Variants in NSL1 observed in about 807,000 individuals in gnomAD.
NSL1 encodes the protein kinetochore-associated protein NSL1 homolog.
NSL1 carries 11 observed loss-of-function variants against 25.4 expected under a neutral mutation model. That is an observed-to-expected ratio of 0.43 (90% confidence interval 0.27 to 0.72). NSL1 has a LOEUF of 0.72. Ranked by LOEUF, NSL1 falls within the 30% of genes least tolerant of loss-of-function variation. The pLI is 0.19. For synonymous variants in NSL1, 118 were observed against 120.6 expected, an observed-to-expected ratio of 0.98 and a Z score of 0.14; for missense variants, 330 against 342.7, an observed-to-expected ratio of 0.96 and a Z score of 0.29.
intron 4 of NSL1, among the ~76,000 whole-genome samples, chr1:212,779,979 G>A (rs1476135719): frequency 7.2e-5 from 11 of 152,054 alleles, no homozygotes; most frequent in Non-Finnish European, 1.5e-4. Flanking sequence ...CCCTCTGCCC[G>A]GCCGCCACCC....
chr1:212,736,011 T>C lies in NSL1; in HGVS notation c.*2397A>G. On this transcript the variant is annotated 3_prime_UTR_variant, in exon 6 of 6. Transcript: ENST00000366977. Reference sequence around the variant, plus strand: ...CAGCTTTGACAGTGTTCTCTCTTCTTTGGGACTAGACTTAACCTTCTTGTG... The same window carrying C: ...CAGCTTTGACAGTGTTCTCTCTTCTCTGGGACTAGACTTAACCTTCTTGTG... The C allele has an allele frequency of 1.0e-6, 1 of 985,416 alleles. No homozygotes were observed. Among genetic ancestry groups the C allele is most frequent in the African/African-American group, 1.7e-5 (1 of 57,358 alleles). The allele number at this position is 985,416 out of a possible 1,614,324, so 61.0% of individuals were successfully genotyped here. A position where few individuals can be genotyped will look rare whatever the true frequency, so the allele number is the denominator to read the frequency against.
Position 212,735,457 on chromosome 1 carries a change from A to G in NSL1, c.*2951T>C. On this transcript the variant is annotated 3_prime_UTR_variant, in exon 6 of 6. Coordinates refer to ENST00000366977, the MANE Select transcript of NSL1 (RefSeq NM_015471.4). Reference sequence around the variant, plus strand: ...AGATGAAATCATACTGTTTGAAGCAATAAAAAATTTGGTTTTATTCACTTT... The same window carrying G: ...AGATGAAATCATACTGTTTGAAGCAGTAAAAAATTTGGTTTTATTCACTTT... The G allele has an allele frequency of 1.0e-6, 1 of 985,470 alleles. No individual in the cohort carries two copies. Among genetic ancestry groups the G allele is most frequent in the Middle Eastern group, 5.2e-4 (1 of 1,914 alleles). 61.0% of individuals were successfully genotyped at this position (985,470 alleles called of 1,614,324 possible).
In NSL1 at chr1:212,729,314, C is replaced by G; in HGVS notation, c.*9094G>C. 3 of 984,750 alleles carry G rather than the reference C, an allele frequency of 3.0e-6. No homozygotes were observed. The South Asian group carries it at 1.4e-4, about 46-fold the overall frequency. The allele number at this position is 984,750 out of a possible 1,614,324, so 61.0% of individuals were successfully genotyped here. ...GGATCCCTAGATGCTACTGATGGCT[C>G]CCCTAACTGACGGCAAATTGCTTGT... On this transcript the variant is annotated 3_prime_UTR_variant, in exon 6 of 6. Transcript: ENST00000366977.
chr1:212,731,736 G>A lies in NSL1; in HGVS notation c.*6672C>T, dbSNP rs1038370151. The stretch of plus-strand genomic sequence containing the variant: ...AGACATCCACTGACTTCCAGTTGTG[G>A]TGGGTGAAGATTTCACTCCCCACTG... On this transcript the variant is annotated 3_prime_UTR_variant, in exon 6 of 6. Coordinates refer to ENST00000366977, the MANE Select transcript of NSL1 (RefSeq NM_015471.4). 4.1e-6 allele frequency: 4 copies of A among 985,194 alleles called. No individual in the cohort carries two copies. Among genetic ancestry groups the A allele is most frequent in the South Asian group, 9.4e-5 (2 of 21,280 alleles). The allele number at this position is 985,194 out of a possible 1,614,324, so 61.0% of individuals were successfully genotyped here.
At position 212,738,020 on chromosome 1, in the gene NSL1, CTCTCTT is replaced by C. The variant is rs1015793177; in HGVS notation, c.*382_*387del. 3 of 946,968 alleles carry C rather than the reference CTCTCTT, an allele frequency of 3.2e-6. No individual in the cohort carries two copies. The highest frequency in any genetic ancestry group is 5.4e-4 in the Middle Eastern group (1 of 1,852). The allele number at this position is 946,968 out of a possible 1,614,324, so 58.7% of individuals were successfully genotyped here. A position where few individuals can be genotyped will look rare whatever the true frequency, so the allele number is the denominator to read the frequency against. The stretch of plus-strand genomic sequence containing the variant: ...AAACGAAAAATCATTATACAGCTCT[CTCTCTT>C]TTTTTTTTTTTTCCTAGAAAGATGT... On this transcript the variant is annotated 3_prime_UTR_variant, in exon 6 of 6. Transcript: ENST00000366977.
chr1:212,784,807 T>A (rs112902086), intron 2 of NSL1, among the ~76,000 whole-genome samples: 2 of 152,098 alleles, frequency 1.3e-5, no homozygotes, highest in Admixed American at 1.3e-4. Flanking sequence ...ATAAGTGCAA[T>A]AGAGGTATGA....
At position 212,789,508 on chromosome 1, in the gene NSL1, G is replaced by A. The variant is rs539528934; in HGVS notation, c.235-1871C>T. The stretch of plus-strand genomic sequence containing the variant: ...ATTACAGGCGTAAGCCATCGCGCCC[G>A]GCCTATGTATGTTTTAAAATTATTT... On this transcript the variant is annotated intron_variant, in intron 1 of 5. Coordinates refer to ENST00000366977, the MANE Select transcript of NSL1 (RefSeq NM_015471.4). Among the ~76,000 whole-genome samples the A allele has an allele frequency of 3.3e-5, 5 of 152,244 alleles. 1 individual carries two copies. The highest frequency in any genetic ancestry group is 4.8e-5 in the African/African-American group (2 of 41,538).
chr1:212,727,875 C>T lies in NSL1; in HGVS notation c.*10533G>A, dbSNP rs530897468. 1.0e-6 allele frequency: 1 copy of T among 985,236 alleles called. No homozygotes were observed. The highest frequency in any genetic ancestry group is 1.7e-5 in the African/African-American group (1 of 57,324). 61.0% of individuals were successfully genotyped at this position (985,236 alleles called of 1,614,324 possible). On this transcript the variant is annotated 3_prime_UTR_variant, in exon 6 of 6. Coordinates refer to ENST00000366977, the MANE Select transcript of NSL1 (RefSeq NM_015471.4). ...GGAAATTTAAAAATGTTTGTTGATA[C>T]TCTCTGTTGCTATGTGTCATTGAAA...
intron 4 of NSL1, among the ~76,000 whole-genome samples, chr1:212,748,180 A>G (rs1208013116): frequency 1.3e-5 from 2 of 152,328 alleles, no homozygotes; most frequent in Non-Finnish European, 2.9e-5. Context: ...AATATCTGTT[A>G]ACTTTTTACT....
At chr1:212,768,004 A>C (rs1659898785) in intron 4 of NSL1, among the ~76,000 whole-genome samples, 1 of 152,220 alleles carries the variant, frequency 6.6e-6, no homozygotes, top group African/African-American at 2.4e-5. Context: ...ACTATTGAAA[A>C]CAATATGGAG....
intron 4 of NSL1, chr1:212,781,854 G>A (rs970318621): frequency 1.5e-5 from 3 of 194,642 alleles, no homozygotes; most frequent in African/African-American, 6.9e-5. Flanking sequence ...ATTTGTTTGT[G>A]TCAAGTTTAT....
chr1:212,791,304 G>A (rs1661242691), intron 1 of NSL1, among the ~76,000 whole-genome samples: 1 of 152,100 alleles, frequency 6.6e-6, no homozygotes, highest in Non-Finnish European at 1.5e-5. Context: ...ATAAAGATTA[G>A]CTTGCCTTGT....
chr1:212,771,061 C>T (rs1477379156), intron 4 of NSL1, among the ~76,000 whole-genome samples: 1 of 152,222 alleles, frequency 6.6e-6, no homozygotes, highest in Non-Finnish European at 1.5e-5. Flanking sequence ...CGCCTATAAT[C>T]CCAGCACTTT....
intron 4 of NSL1, among the ~76,000 whole-genome samples, chr1:212,774,688 G>A (rs1236672972): frequency 1.3e-5 from 2 of 152,174 alleles, no homozygotes; most frequent in African/African-American, 4.8e-5. Context: ...AACAAGAGTT[G>A]GTGAGGGCAT....
chr1:212,759,970 C>T (rs1205107066), intron 4 of NSL1, among the ~76,000 whole-genome samples: 6 of 152,120 alleles, frequency 3.9e-5, no homozygotes, highest in Non-Finnish European at 8.8e-5. Context: ...TGCCTAGGGA[C>T]AGGCCCACCC....
chr1:212,761,971 TAAAA>T (rs34216305), intron 4 of NSL1, among the ~76,000 whole-genome samples: 131 of 105,634 alleles, frequency 1.2e-3, no homozygotes, highest in African/African-American at 3.7e-3. Context: ...GCTGATGAGC[TAAAA>T]AAAAAAAAAA....
chr1:212,743,505 A>G (rs1002640561), intron 4 of NSL1, among the ~76,000 whole-genome samples: 3 of 150,578 alleles, frequency 2.0e-5, no homozygotes, highest in African/African-American at 7.3e-5. Context: ...CTTCCTCCAC[A>G]TGTTCATTAA....
chr1:212,740,596 A>G (rs1658459423), intron 4 of NSL1, among the ~76,000 whole-genome samples: 1 of 152,136 alleles, frequency 6.6e-6, no homozygotes, highest in Admixed American at 6.5e-5. Flanking sequence ...TATATAGTGA[A>G]ATGTATAGAC....
intron 4 of NSL1, among the ~76,000 whole-genome samples, chr1:212,749,456 C>CT (rs112327999): frequency 0.02 from 2,981 of 148,478 alleles, 112 homozygotes; most frequent in African/African-American, 0.071. Context: ...GCATCTCACT[C>CT]TGTCACCCAG....
Sources: allele counts gnomAD v4.1 joint callset (sites outside exome capture counted in the v4.1 genomes callset), GRCh38; gene constraint gnomAD v4.1.1; transcripts MANE v1.5; gene names NCBI Gene and HGNC (gene_info 2026-07-23, HGNC 2026-07-21).